Variants in ESRRB observed in about 807,000 individuals in gnomAD.
The protein encoded by ESRRB is steroid hormone receptor ERR2.
Under a neutral mutation model 46.0 loss-of-function variants are expected in ESRRB, and 16 were observed. The observed-to-expected ratio is 0.35, with a 90% CI of 0.24 to 0.53. ESRRB has a LOEUF of 0.53. Ranked by LOEUF, ESRRB falls within the 20% of genes least tolerant of loss-of-function variation. The pLI, the probability that ESRRB is intolerant of heterozygous loss-of-function variation, is 0.93. For missense variants in ESRRB, 488 were observed against 607.4 expected, an observed-to-expected ratio of 0.80 and a Z score of 2.07; for synonymous variants, 246 against 259.6, an observed-to-expected ratio of 0.95 and a Z score of 0.50.
intron 1 of ESRRB, among the ~76,000 whole-genome samples, chr14:76,336,360 G>A (rs1232886452): frequency 1.3e-5 from 2 of 152,228 alleles, no homozygotes; most frequent in African/African-American, 4.8e-5. Context: ...CTGGCCCTGT[G>A]TGTCCACAGC....
At chr14:76,354,781 C>T (rs960332995) in intron 1 of ESRRB, among the ~76,000 whole-genome samples, 3 of 148,398 alleles carry the variant, frequency 2.0e-5, no homozygotes, top group Non-Finnish European at 3.0e-5. Flanking sequence ...TCGATCTCAG[C>T]TCACTGCAAC....
chr14:76,452,090 T>C (rs1888406595), intron 2 of ESRRB, among the ~76,000 whole-genome samples: 1 of 151,528 alleles, frequency 6.6e-6, no homozygotes. Flanking sequence ...TACAGGTGCA[T>C]GCCACCACAC....
intron 1 of ESRRB, among the ~76,000 whole-genome samples, chr14:76,385,880 G>A (rs761134815): frequency 1.3e-5 from 2 of 152,154 alleles, no homozygotes; most frequent in Non-Finnish European, 2.9e-5. Flanking sequence ...AATTAGATGT[G>A]TAGATTCTCT....
At chr14:76,404,849 G>A (rs1041360069) in intron 1 of ESRRB, among the ~76,000 whole-genome samples, 5 of 152,178 alleles carry the variant, frequency 3.3e-5, no homozygotes, top group African/African-American at 1.2e-4. Context: ...GTTGTGGGCA[G>A]TAAACTATCT....
chr14:76,489,111 G>A (rs1595169283), intron 5 of ESRRB, among the ~76,000 whole-genome samples: 1 of 151,940 alleles, frequency 6.6e-6, no homozygotes, highest in East Asian at 1.9e-4. Flanking sequence ...TTTCCCCTGC[G>A]TTTCCAGAAG....
intron 2 of ESRRB, among the ~76,000 whole-genome samples, chr14:76,460,622 C>T (rs1368587965): frequency 6.6e-6 from 1 of 152,144 alleles, no homozygotes; most frequent in Non-Finnish European, 1.5e-5. Context: ...TCAGGCTGAC[C>T]TCAAGCACTT....
chr14:76,475,066 C>T (rs1486581109), intron 3 of ESRRB, among the ~76,000 whole-genome samples: 2 of 151,696 alleles, frequency 1.3e-5, no homozygotes, highest in African/African-American at 4.8e-5. Flanking sequence ...CCCATCTTTG[C>T]AAAAAAATTT....
intron 3 of ESRRB, among the ~76,000 whole-genome samples, chr14:76,469,257 C>T (rs1889257873): frequency 6.6e-6 from 1 of 152,112 alleles, no homozygotes; most frequent in South Asian, 2.1e-4. Context: ...CCATGCCCAG[C>T]TAAGTTTTTG....
At chr14:76,382,309 G>A (rs868755862) in intron 1 of ESRRB, among the ~76,000 whole-genome samples, 5 of 152,232 alleles carry the variant, frequency 3.3e-5, no homozygotes, top group African/African-American at 4.8e-5. Context: ...AGGGGCTGCC[G>A]TGCCTTGGGA....
At position 76,482,949 on chromosome 14, in the gene ESRRB, C is replaced by T. The variant is rs10147732; in HGVS notation, c.850+190C>T. Among the ~76,000 whole-genome samples, 11,753 of 152,290 alleles carry T rather than the reference C, an allele frequency of 0.077. 531 individuals carry two copies. Among genetic ancestry groups the T allele is most frequent in the Middle Eastern group, 0.13 (39 of 294 alleles). ...TGGAGAGGAACAGGTAGTTAGAAGA[C>T]CCAGTGAGGCTTATACACTGCTGCA... On this transcript the variant is annotated intron_variant, in intron 5 of 6. Coordinates refer to ENST00000644823, the MANE Select transcript of ESRRB (RefSeq NM_001379180.1). The surrounding 1 kb of genome is among the most constrained non-coding windows in gnomAD (Gnocchi z 4.3).
At chr14:76,407,660 C>T (rs546259350) in intron 1 of ESRRB, 8 of 881,260 alleles carry the variant, frequency 9.1e-6, no homozygotes, top group African/African-American at 1.8e-5. Context: ...CCAAAACCCT[C>T]GTGGCTGAGC....
intron 1 of ESRRB, among the ~76,000 whole-genome samples, chr14:76,343,029 C>G (rs1247121209): frequency 6.6e-6 from 1 of 152,096 alleles, no homozygotes; most frequent in Middle Eastern, 3.2e-3. Flanking sequence ...CCAGAAGATC[C>G]CCTAGACAGG....
chr14:76,444,313 G>T (rs549599718), intron 2 of ESRRB, among the ~76,000 whole-genome samples: 8 of 152,224 alleles, frequency 5.3e-5, no homozygotes, highest in African/African-American at 1.4e-4. Flanking sequence ...GATTATAGGC[G>T]TGAGCCACCA....
chr14:76,356,796 G>C (rs887292802), intron 1 of ESRRB, among the ~76,000 whole-genome samples: 1 of 152,210 alleles, frequency 6.6e-6, no homozygotes, highest in Non-Finnish European at 1.5e-5. Context: ...GCATGGTCCT[G>C]CAATTGTTCT....
rs111676240 is a variant in ESRRB, at chr14:76,424,500, G to A, written c.51-14841G>A. ...AGTGGATAGAAGTGTCGTCCCCTTC[G>A]TTGTGTGGGCCTGCACACTGTCCTT... On this transcript the variant is annotated intron_variant, in intron 1 of 6. Coordinates refer to ENST00000644823, the MANE Select transcript of ESRRB (RefSeq NM_001379180.1). 4.6e-3 allele frequency among the ~76,000 whole-genome samples: 703 copies of A among 152,302 alleles called. 9 individuals carry two copies. Among genetic ancestry groups the A allele is most frequent in the African/African-American group, 0.016 (676 of 41,554 alleles).
chr14:76,340,713 T>G (rs1434349030), intron 1 of ESRRB, among the ~76,000 whole-genome samples: 1 of 152,240 alleles, frequency 6.6e-6, no homozygotes, highest in African/African-American at 2.4e-5. Flanking sequence ...TGTGCCTTTC[T>G]GGTGTGAATT....
At chr14:76,452,089 A>C (rs889913017) in intron 2 of ESRRB, among the ~76,000 whole-genome samples, 5 of 151,000 alleles carry the variant, frequency 3.3e-5, no homozygotes, top group African/African-American at 1.2e-4. Flanking sequence ...CTACAGGTGC[A>C]TGCCACCACA....
intron 1 of ESRRB, among the ~76,000 whole-genome samples, chr14:76,419,339 G>A (rs755357376): frequency 2.0e-5 from 3 of 152,130 alleles, no homozygotes; most frequent in Non-Finnish European, 2.9e-5. Flanking sequence ...TGTTGAGATC[G>A]AGCTTCGAAC....
chr14:76,364,155 C>T (rs985478849), intron 1 of ESRRB, among the ~76,000 whole-genome samples: 8 of 151,768 alleles, frequency 5.3e-5, no homozygotes, highest in Admixed American at 2.0e-4. Context: ...AAGAAGGGGC[C>T]GAAAGTGAAA....
Sources: allele counts gnomAD v4.1 joint callset (sites outside exome capture counted in the v4.1 genomes callset), GRCh38; gene constraint gnomAD v4.1.1; non-coding constraint Gnocchi (gnomAD v3.1); transcripts MANE v1.5; gene names NCBI Gene and HGNC (gene_info 2026-07-23, HGNC 2026-07-21).